CDH13: variants seen among roughly 807,000 people sequenced by gnomAD.
CDH13 encodes cadherin 13.
Under a neutral mutation model 63.8 loss-of-function variants are expected in CDH13, and 24 were observed. The observed-to-expected ratio is 0.38, with a 90% CI of 0.27 to 0.53. The LOEUF (loss-of-function observed/expected upper bound fraction) is 0.53. CDH13 is among the 20% of genes least tolerant of loss of function. CDH13 has a pLI of 0.85. For synonymous variants in CDH13, 503 were observed against 355.3 expected, an observed-to-expected ratio of 1.42 and a Z score of -4.67; for missense variants, 1,049 against 903.1, an observed-to-expected ratio of 1.16 and a Z score of -2.07.
intron 6 of CDH13, among the ~76,000 whole-genome samples, chr16:83,371,554 G>A (rs1380554756): frequency 2.6e-5 from 4 of 152,122 alleles, no homozygotes; most frequent in Non-Finnish European, 5.9e-5. Context: ...AATTTTAATA[G>A]CTATTTATTT....
chr16:82,719,494 G>T (rs1356581496), intron 1 of CDH13: 1 of 454,220 alleles, frequency 2.2e-6, no homozygotes, highest in Non-Finnish European at 4.4e-6. Context: ...CATGAGATGT[G>T]AAGGCAGTGA....
intron 1 of CDH13, among the ~76,000 whole-genome samples, chr16:82,799,827 A>G (rs1236558853): frequency 6.6e-6 from 1 of 151,558 alleles, no homozygotes; most frequent in Non-Finnish European, 1.5e-5. Flanking sequence ...TTTATTTCTA[A>G]TGTATGTCTC....
chr16:83,564,728 G>T lies in CDH13; in HGVS notation c.961-37726G>T, dbSNP rs535425927. Among the ~76,000 whole-genome samples, 15 of 152,214 alleles carry T rather than the reference G, an allele frequency of 9.9e-5. No individual in the cohort carries two copies. In the South Asian group the frequency reaches 3.1e-3, roughly 32 times the overall value. On this transcript the variant is annotated intron_variant, in intron 7 of 13. Transcript: ENST00000567109. ...CCAGCAGGGATGAATCTTAAACCAA[G>T]TGACAAAAAGGTAAGAATAATGACT...
intron 1 of CDH13, among the ~76,000 whole-genome samples, chr16:82,777,905 C>A (rs1363053998): frequency 1.3e-5 from 2 of 152,122 alleles, no homozygotes; most frequent in African/African-American, 2.4e-5. Context: ...CACAACAGGA[C>A]AACTTGATTC....
chr16:83,004,987 A>G (rs549622753), intron 2 of CDH13, among the ~76,000 whole-genome samples: 2 of 152,304 alleles, frequency 1.3e-5, no homozygotes, highest in East Asian at 3.9e-4. Flanking sequence ...GGAGAAGAGC[A>G]TCTTCCTTTT....
chr16:83,676,147 G>T (rs1417196414), intron 9 of CDH13, among the ~76,000 whole-genome samples: 1 of 152,210 alleles, frequency 6.6e-6, no homozygotes, highest in Non-Finnish European at 1.5e-5. Flanking sequence ...CCGAGGAAAA[G>T]GAGCTGAGCG....
chr16:83,372,733 A>G (rs1368877220), intron 6 of CDH13, among the ~76,000 whole-genome samples: 1 of 144,600 alleles, frequency 6.9e-6, no homozygotes, highest in African/African-American at 2.6e-5. Flanking sequence ...GCCTGGTGAC[A>G]GAGCGAGACT....
At chr16:83,286,945 G>T (rs561188073) in intron 5 of CDH13, among the ~76,000 whole-genome samples, 1 of 151,838 alleles carries the variant, frequency 6.6e-6, no homozygotes, top group Non-Finnish European at 1.5e-5. Flanking sequence ...TGCCATGCCC[G>T]TGCTCCTATG....
chr16:83,008,051 G>A, intron 2 of CDH13, among the ~76,000 whole-genome samples: 1 of 152,040 alleles, frequency 6.6e-6, no homozygotes, highest in Non-Finnish European at 1.5e-5. Flanking sequence ...CGGAAATGAA[G>A]GAAATCAACC....
At chr16:82,703,312 T>G (rs1006425167) in intron 1 of CDH13, among the ~76,000 whole-genome samples, 1 of 152,034 alleles carries the variant, frequency 6.6e-6, no homozygotes, top group African/African-American at 2.4e-5. Flanking sequence ...CCCCCACCAT[T>G]CCTTCTGGCA....
At chr16:83,255,201 C>T (rs1906107418) in intron 5 of CDH13, among the ~76,000 whole-genome samples, 1 of 152,004 alleles carries the variant, frequency 6.6e-6, no homozygotes. Flanking sequence ...CTAATTGTGC[C>T]AAGTATGGGC....
At chr16:83,585,015 C>G (rs561505510) in intron 7 of CDH13, among the ~76,000 whole-genome samples, 1 of 152,304 alleles carries the variant, frequency 6.6e-6, no homozygotes, top group East Asian at 1.9e-4. Flanking sequence ...TCCCACCAGG[C>G]CCCACCTCCA....
chr16:82,904,735 A>T (rs1265517021), intron 2 of CDH13, among the ~76,000 whole-genome samples: 2 of 152,170 alleles, frequency 1.3e-5, no homozygotes, highest in African/African-American at 4.8e-5. Context: ...AAGCAGGTTT[A>T]ACGGGTGGTC....
chr16:83,727,112 C>T (rs1202344058), intron 10 of CDH13, among the ~76,000 whole-genome samples: 2 of 152,034 alleles, frequency 1.3e-5, no homozygotes, highest in Admixed American at 6.6e-5. Context: ...CAACCATCAC[C>T]GCCCTCGATT....
At chr16:83,594,198 C>T (rs530144238) in intron 7 of CDH13, among the ~76,000 whole-genome samples, 84 of 152,296 alleles carry the variant, frequency 5.5e-4, no homozygotes, top group Admixed American at 1.4e-3. Context: ...GTTACATCTT[C>T]GAAAGACTTC....
chr16:83,201,694 G>A (rs1046156217), intron 4 of CDH13, among the ~76,000 whole-genome samples: 7 of 151,416 alleles, frequency 4.6e-5, no homozygotes, highest in East Asian at 1.9e-4. Context: ...TCAGGAGATC[G>A]AGACCATCCC....
intron 11 of CDH13, among the ~76,000 whole-genome samples, chr16:83,755,824 G>A (rs915895299): frequency 6.6e-6 from 1 of 151,340 alleles, no homozygotes; most frequent in Non-Finnish European, 1.5e-5. Flanking sequence ...CAGGCAGAGG[G>A]AAAATGATGC....
At chr16:83,478,040 G>C (rs537713852) in intron 6 of CDH13, among the ~76,000 whole-genome samples, 4 of 151,706 alleles carry the variant, frequency 2.6e-5, no homozygotes, top group African/African-American at 9.7e-5. Context: ...AATTAGCCAG[G>C]CTTGGTGGTC....
chr16:83,286,494 ACCTGTAATC>A (rs1461806891), intron 5 of CDH13, among the ~76,000 whole-genome samples: 1 of 151,968 alleles, frequency 6.6e-6, no homozygotes, highest in African/African-American at 2.4e-5. Context: ...TATTCTTCAC[ACCTGTAATC>A]CCAGCACTTT....
Sources: gnomAD v4.1 joint callset for allele counts (sites outside exome capture counted in the v4.1 genomes callset) on GRCh38, gnomAD v4.1.1 for gene constraint, MANE v1.5 for transcripts, NCBI Gene and HGNC (gene_info 2026-07-23, HGNC 2026-07-21) for gene names.